MSANTD1: variants seen among roughly 807,000 people sequenced by gnomAD.
The protein encoded by MSANTD1 is Myb/SANT DNA binding domain containing 1.
Under a neutral mutation model 24.2 loss-of-function variants are expected in MSANTD1, and 7 were observed. That is an observed-to-expected ratio of 0.29 (90% CI 0.16 to 0.54). The LOEUF (loss-of-function observed/expected upper bound fraction) is 0.54. MSANTD1 is among the 20% of genes least tolerant of loss of function. The pLI is 0.94. For synonymous variants in MSANTD1, 177 were observed against 181.1 expected (o/e 0.98, Z 0.18); for missense variants, 384 against 408.2 (o/e 0.94, Z 0.51).
At position 3,255,739 on chromosome 4, in the gene MSANTD1, C is replaced by T. The variant is rs755522426; in HGVS notation, c.611C>T (p.Pro204Leu). The change falls in exon 3 of 3, where the codon CCG becomes CTG. Residue 204 changes from proline (P) to leucine (L), a missense_variant. Physicochemically the swap from Pro to Leu is moderately conservative, Grantham distance 98. Coordinates refer to ENST00000438480, the MANE Select transcript of MSANTD1 (RefSeq NM_001042690.2). ...TGTCCTTCCAGGTCGGAGGAGCGGC[C>T]GGTGAAGAAGCGCAAGGTGCAGAGC... ...LSLKFRSEER[P>L]VKKRKVQSCH... 85 of 1,541,852 alleles carry T rather than the reference C, an allele frequency of 5.5e-5. No individual in the cohort carries two copies. Among genetic ancestry groups the T allele is most frequent in the East Asian group, 4.9e-5 (2 of 40,750 alleles).
chr4:3,246,278 TCAC>T (rs1722024825), upstream of MSANTD1, among the ~76,000 whole-genome samples: 2 of 152,306 alleles, frequency 1.3e-5, no homozygotes, highest in South Asian at 4.1e-4. Context: ...CAGGCTGTGC[TCAC>T]CACTGCTGCT....
At chr4:3,254,685 G>C (rs957382621) in intron 2 of MSANTD1, among the ~76,000 whole-genome samples, 1 of 152,188 alleles carries the variant, frequency 6.6e-6, no homozygotes, top group African/African-American at 2.4e-5. Flanking sequence ...CCCAGCAGCA[G>C]AGCTCTCAGG....
rs1435246200 is a variant in MSANTD1 at position 3,256,455 on chromosome 4, C to G, written c.*490C>G. On this transcript the variant is annotated 3_prime_UTR_variant, in exon 3 of 3. Coordinates refer to ENST00000438480, the MANE Select transcript of MSANTD1 (RefSeq NM_001042690.2). ...AAGGGAACCCTGTGTCCTCCCTCAC[C>G]AGGACCTCTGCGTCTCTCCTTAAAT... The G allele has an allele frequency of 6.6e-6, 1 of 152,660 alleles. No homozygotes were observed. The highest frequency in any genetic ancestry group is 2.4e-5 in the African/African-American group (1 of 41,444). 9.5% of individuals were successfully genotyped at this position (152,660 alleles called of 1,614,324 possible).
chr4:3,248,117 C>A (rs1432021941), upstream of MSANTD1: 1 of 152,312 alleles, frequency 6.6e-6, no homozygotes, highest in Non-Finnish European at 1.5e-5. Context: ...CCACAGAGCC[C>A]TGCCTGACAT....
At chr4:3,254,010 G>A (rs188622487) in intron 2 of MSANTD1, among the ~76,000 whole-genome samples, 108 of 152,316 alleles carry the variant, frequency 7.1e-4, no homozygotes, top group African/African-American at 2.3e-3. Flanking sequence ...CCTCAGACCC[G>A]TCCCGTGCTG....
chr4:3,246,458 G>A (rs1722030739), upstream of MSANTD1: 1 of 449,554 alleles, frequency 2.2e-6, no homozygotes, highest in Non-Finnish European at 3.9e-6. Context: ...GTTGGGCCCA[G>A]CCTCATTATT....
chr4:3,245,883 C>G (rs1446219597), upstream of MSANTD1, among the ~76,000 whole-genome samples: 4 of 152,188 alleles, frequency 2.6e-5, no homozygotes, highest in Admixed American at 2.0e-4. Flanking sequence ...CCTGGGTGGG[C>G]CCTGTGGACC....
intron 1 of MSANTD1, 49 bp downstream of exon 1, chr4:3,249,591 G>A (rs767773312): frequency 2.3e-5 from 35 of 1,512,520 alleles, no homozygotes; most frequent in South Asian, 3.7e-5. Context: ...GGGCCCGGGC[G>A]TGGCGGGCCG....
chr4:3,250,318 G>T (rs1722184813), intron 1 of MSANTD1, among the ~76,000 whole-genome samples: 1 of 152,232 alleles, frequency 6.6e-6, no homozygotes, highest in Non-Finnish European at 1.5e-5. Flanking sequence ...CTGCAGGGAA[G>T]GCCGGAGGGG....
chr4:3,247,143 A>T (rs2798229), upstream of MSANTD1, among the ~76,000 whole-genome samples: 2 of 152,152 alleles, frequency 1.3e-5, no homozygotes, highest in South Asian at 4.1e-4. Flanking sequence ...GGGCACGTAG[A>T]GGCCCCATGA....
upstream of MSANTD1, chr4:3,244,609 C>G (rs1721963615): frequency 1.3e-5 from 2 of 152,296 alleles, no homozygotes; most frequent in Admixed American, 6.5e-5. Context: ...GGGGATGCTT[C>G]TAAGCTCCGG....
Position 3,256,245 on chromosome 4 carries a change from C to T in MSANTD1, c.*280C>T. Reference sequence around the variant, plus strand: ...GTAAGAACGTCCTAGAGCCACTCTCCAGTGTCGTTACTATCAATGATACTT... The same window carrying T: ...GTAAGAACGTCCTAGAGCCACTCTCTAGTGTCGTTACTATCAATGATACTT... On this transcript the variant is annotated 3_prime_UTR_variant, in exon 3 of 3. Transcript: ENST00000438480. The T allele has an allele frequency of 3.0e-6, 1 of 330,026 alleles. No homozygotes were observed. The highest frequency in any genetic ancestry group is 5.3e-5 in the East Asian group (1 of 18,852). The allele number at this position is 330,026 out of a possible 1,614,324, so 20.4% of individuals were successfully genotyped here.
intron 2 of MSANTD1, among the ~76,000 whole-genome samples, chr4:3,255,233 CTTTTTTT>C (rs555315961): frequency 1.4e-5 from 2 of 143,822 alleles, no homozygotes; most frequent in Admixed American, 6.9e-5. Context: ...CTTTCTTTTT[CTTTTTTT>C]TTTTTTTTGA....
chr4:3,246,664 T>A, upstream of MSANTD1: 1 of 697,728 alleles, frequency 1.4e-6, no homozygotes, highest in Non-Finnish European at 2.6e-6. Context: ...CATGCAGCTT[T>A]GCCAAGGTAC....
chr4:3,252,007 G>A (rs1383728941), intron 1 of MSANTD1, among the ~76,000 whole-genome samples: 1 of 152,228 alleles, frequency 6.6e-6, no homozygotes. Flanking sequence ...TTTGCTGGGG[G>A]CACCTCATTC....
Position 3,255,834 on chromosome 4 carries a change from G to C in MSANTD1, c.706G>C (p.Ala236Pro), listed in dbSNP as rs369673017. The C allele has an allele frequency of 2.6e-6, 4 of 1,545,580 alleles. No individual in the cohort carries two copies. Among genetic ancestry groups the C allele is most frequent in the Non-Finnish European group, 3.5e-6 (4 of 1,146,572 alleles). The change falls in exon 3 of 3, where the codon GCC becomes CCC. Residue 236 changes from alanine to proline, a missense_variant. Physicochemically the swap from Ala to Pro is conservative, Grantham distance 27. Transcript: ENST00000438480. ...GGAGGAGCAGCGCCGGCTGAGCCGC[G>C]CCGTGGAGGAGACCTGCCGCGAGGT... ...MVEEQRRLSR[A>P]VEETCREVRR...
Position 3,253,201 on chromosome 4 carries a change from T to A in MSANTD1, c.321-6T>A. The A allele has an allele frequency of 6.5e-7, 1 of 1,533,592 alleles. No individual in the cohort carries two copies. Among genetic ancestry groups the A allele is most frequent in the Non-Finnish European group, 8.8e-7 (1 of 1,133,190 alleles). The allele number at this position is 1,533,592 out of a possible 1,614,324, so 95.0% of individuals were successfully genotyped here. A position where few individuals can be genotyped will look rare whatever the true frequency, so the allele number is the denominator to read the frequency against. ...TCACCCTTGGCTCTTGTGTCTCTCG[T>A]TTCAGGAAATTAAAATGCATGACAG... On this transcript the variant is annotated splice_polypyrimidine_tract_variant and splice_region_variant and intron_variant, in intron 1 of 2. Coordinates refer to ENST00000438480, the MANE Select transcript of MSANTD1 (RefSeq NM_001042690.2).
rs529982955 is a variant in MSANTD1, at chr4:3,256,085, A to C, written c.*120A>C. 254 of 1,263,092 alleles carry C rather than the reference A, an allele frequency of 2.0e-4. No homozygotes were observed. The highest frequency in any genetic ancestry group is 5.7e-4 in the Middle Eastern group (2 of 3,506). 78.2% of individuals were successfully genotyped at this position (1,263,092 alleles called of 1,614,324 possible). ...GCCCCGCGAGCGGAGACCGCCTTCC[A>C]CCTGGCCTCTGGCAGGATGTCCCTT... On this transcript the variant is annotated 3_prime_UTR_variant, in exon 3 of 3. Coordinates refer to ENST00000438480, the MANE Select transcript of MSANTD1 (RefSeq NM_001042690.2).
At chr4:3,253,003 C>T (rs1012166009) in intron 1 of MSANTD1, among the ~76,000 whole-genome samples, 6 of 152,214 alleles carry the variant, frequency 3.9e-5, no homozygotes, top group South Asian at 2.1e-4. Context: ...CATCTGAGCC[C>T]GTGTAGGTCC....
Sources: allele counts gnomAD v4.1 joint callset (sites outside exome capture counted in the v4.1 genomes callset), GRCh38; gene constraint gnomAD v4.1.1; transcripts MANE v1.5; gene names NCBI Gene and HGNC (gene_info 2026-07-23, HGNC 2026-07-21).